BTBD1: variants seen among roughly 807,000 people sequenced by gnomAD.
BTBD1 encodes BTB/POZ domain-containing protein 1.
In BTBD1, 34 loss-of-function variants were observed where a neutral mutation model predicts 48.0. The ratio of observed to expected loss-of-function variants is 0.71; its 90% CI spans 0.54 to 0.94. BTBD1 has a LOEUF of 0.94. BTBD1 is among the 40% of genes least tolerant of loss of function. BTBD1 has a pLI of 0.00. For missense variants in BTBD1, 543 were observed against 625.6 expected (o/e 0.87, Z 1.41); for synonymous variants, 261 against 242.1 (o/e 1.08, Z -0.72).
In BTBD1 at chr15:83,018,180, G is replaced by T; in HGVS notation, c.1336C>A (p.His446Asn). Reference sequence around the variant, plus strand: ...GTCTTGCTTGCAGCAGGTGTCTCATGCACTACTTTCTTCAATCCTTTTGTG... The same window carrying T: ...GTCTTGCTTGCAGCAGGTGTCTCATTCACTACTTTCTTCAATCCTTTTGTG... ...YGTKGLKKVV[H>N]ETPAASKTVF... The change falls in exon 8 of 8, where the codon CAT (histidine) becomes AAT (asparagine). Residue 446 changes from histidine (H) to asparagine (N), a missense_variant. By Grantham distance (68) the His-to-Asn change is moderately conservative. Transcript: ENST00000261721. 6.2e-7 allele frequency: 1 copy of T among 1,610,898 alleles called. No individual in the cohort carries two copies. The highest frequency in any genetic ancestry group is 8.5e-7 in the Non-Finnish European group (1 of 1,178,572).
intron 5 of BTBD1, among the ~76,000 whole-genome samples, chr15:83,021,889 A>G (rs1289864077): frequency 6.6e-6 from 1 of 152,066 alleles, no homozygotes; most frequent in Non-Finnish European, 1.5e-5. Context: ...ATACTAACTC[A>G]TCAATACCAC....
intron 5 of BTBD1, chr15:83,028,675 A>G (rs1335007263): frequency 6.6e-6 from 1 of 152,150 alleles, no homozygotes; most frequent in Non-Finnish European, 1.5e-5. Context: ...CTTCCATGGT[A>G]ATTGGTCTAT....
At chr15:83,027,374 C>T (rs1206082458) in intron 5 of BTBD1, among the ~76,000 whole-genome samples, 2 of 152,090 alleles carry the variant, frequency 1.3e-5, no homozygotes, top group Non-Finnish European at 1.5e-5. Context: ...ACAAACACCT[C>T]GTCCTAGTAT....
At chr15:83,065,452 CTTA>C (rs1432160039) in intron 1 of BTBD1, among the ~76,000 whole-genome samples, 2 of 152,168 alleles carry the variant, frequency 1.3e-5, no homozygotes, top group Non-Finnish European at 2.9e-5. Context: ...TCAATGGAAT[CTTA>C]TTATTTGTTT....
intron 4 of BTBD1, among the ~76,000 whole-genome samples, chr15:83,032,269 C>T (rs371392178): frequency 2.4e-4 from 37 of 151,678 alleles, no homozygotes; most frequent in East Asian, 2.1e-3. Context: ...TACAGTGAGC[C>T]GAGATCGCAC....
chr15:83,025,783 T>A (rs2032393621), intron 5 of BTBD1, among the ~76,000 whole-genome samples: 1 of 152,166 alleles, frequency 6.6e-6, no homozygotes, highest in Non-Finnish European at 1.5e-5. Flanking sequence ...TTTTTCTTTT[T>A]TTTTGAGATG....
chr15:83,024,366 T>C (rs186040187), intron 5 of BTBD1: 1 of 152,370 alleles, frequency 6.6e-6, no homozygotes, highest in Admixed American at 6.5e-5. Context: ...TAATATCCAC[T>C]GTAATAAGTT....
intron 4 of BTBD1, among the ~76,000 whole-genome samples, chr15:83,032,976 A>AAAAAAAAAAAAAAC (rs1567105357): frequency 1.3e-5 from 2 of 151,086 alleles, no homozygotes; most frequent in Non-Finnish European, 3.0e-5. Context: ...TCTCAAAAAA[A>AAAAAAAAAAAAAAC]AAAAAAAAAA....
At chr15:83,062,366 T>C (rs560675083) in intron 1 of BTBD1, among the ~76,000 whole-genome samples, 7 of 152,204 alleles carry the variant, frequency 4.6e-5, no homozygotes, top group African/African-American at 1.7e-4. Context: ...GGACAAGAAA[T>C]GTGTAGAATG....
At chr15:83,062,301 A>C (rs941638756) in intron 1 of BTBD1, among the ~76,000 whole-genome samples, 9 of 152,234 alleles carry the variant, frequency 5.9e-5, no homozygotes, top group African/African-American at 1.9e-4. Context: ...GTTTGGTTGA[A>C]GCAATGCAGA....
chr15:83,020,631 T>A, intron 6 of BTBD1, 44 bp downstream of exon 6: 1 of 1,254,538 alleles, frequency 8.0e-7, no homozygotes, highest in Middle Eastern at 1.9e-4. Flanking sequence ...AGTTACCTGT[T>A]TGTGTTATTT....
rs773923340 is a variant in BTBD1 at position 83,042,348 on chromosome 15, T to TTTTATATATTTATATATA, written c.665-424_665-423insTATATATAAATATATAAA. ...ACGTGCCAGGTACTATTAGGCAATTTTATATATATATATATATATATATAT... is the reference window on the plus strand; with the variant it reads ...ACGTGCCAGGTACTATTAGGCAATTTTTTATATATTTATATATATATATATATATATATATATATATAT... On this transcript the variant is annotated intron_variant, in intron 3 of 7. Coordinates refer to ENST00000261721, the MANE Select transcript of BTBD1 (RefSeq NM_025238.4). 1.5e-3 allele frequency among the ~76,000 whole-genome samples: 167 copies of TTTTATATATTTATATATA among 109,876 alleles called. 3 individuals are homozygous for TTTTATATATTTATATATA. The highest frequency in any genetic ancestry group is 4.7e-3 in the Middle Eastern group (1 of 212). The allele number at this position is 109,876 out of a possible 152,430, so 72.1% of individuals were successfully genotyped here.
At chr15:83,018,557 C>A in intron 7 of BTBD1, 150 bp downstream of exon 7, 1 of 851,122 alleles carries the variant, frequency 1.2e-6, no homozygotes, top group East Asian at 2.8e-5. Context: ...AGAAGTACTT[C>A]TTTTCGGAAG....
chr15:83,038,428 T>A (rs1485638274), intron 4 of BTBD1, among the ~76,000 whole-genome samples: 1 of 152,210 alleles, frequency 6.6e-6, no homozygotes, highest in Non-Finnish European at 1.5e-5. Context: ...AAACATTATA[T>A]GCTCGTGGAT....
intron 1 of BTBD1, among the ~76,000 whole-genome samples, chr15:83,063,517 AG>A (rs1352010184): frequency 6.6e-6 from 1 of 152,160 alleles, no homozygotes; most frequent in Non-Finnish European, 1.5e-5. Context: ...CTACTGCAAA[AG>A]CCTCTTCATC....
chr15:83,018,913 A>C, intron 6 of BTBD1, 60 bp from the exon 7 acceptor site: 4 of 1,336,414 alleles, frequency 3.0e-6, no homozygotes. Context: ...AACTATAGAA[A>C]ATAATATAAA....
intron 3 of BTBD1, among the ~76,000 whole-genome samples, chr15:83,047,910 T>G (rs1416626816): frequency 6.6e-6 from 1 of 152,214 alleles, no homozygotes; most frequent in African/African-American, 2.4e-5. Flanking sequence ...GGGAAGACAC[T>G]GGAAGCAAGG....
chr15:83,064,415 G>C (rs187613793), intron 1 of BTBD1, among the ~76,000 whole-genome samples: 2 of 151,698 alleles, frequency 1.3e-5, no homozygotes, highest in Admixed American at 1.3e-4. Context: ...GTTTTACAAT[G>C]TGAAAAAAAA....
chr15:83,041,989 AAC>A, intron 3 of BTBD1, 64 bp from the exon 4 acceptor site: 1 of 1,356,742 alleles, frequency 7.4e-7, no homozygotes, highest in Non-Finnish European at 1.0e-6. Flanking sequence ...AAGCAATACC[AAC>A]AGACACACTT....
Sources: allele counts gnomAD v4.1 joint callset (sites outside exome capture counted in the v4.1 genomes callset), GRCh38; gene constraint gnomAD v4.1.1; transcripts MANE v1.5; gene names NCBI Gene and HGNC (gene_info 2026-07-23, HGNC 2026-07-21).